SOCS5: variants seen among roughly 807,000 people sequenced by gnomAD.
SOCS5 encodes the protein suppressor of cytokine signaling 5.
A neutral mutation model predicts 42.8 loss-of-function variants in SOCS5; 32 were observed. The observed-to-expected ratio is 0.75, with a 90% CI of 0.56 to 1.01. The LOEUF is 1.01. Ranked by LOEUF, SOCS5 falls within the 50% of genes least tolerant of loss-of-function variation. SOCS5 has a pLI of 0.00. For synonymous variants in SOCS5, 283 were observed against 229.6 expected (o/e 1.23, Z -2.10); for missense variants, 627 against 653.0 (o/e 0.96, Z 0.43).
chr2:46,759,004 A>AAGTTCTGTACACGACATG lies in SOCS5; in HGVS notation c.475_492dup (p.Ser159_Met164dup). ...AAAGGAGAGAGAGGCGCTACGGCGT[A>AAGTTCTGTACACGACATG]AGTTCTGTACACGACATGGACAGTG... On this transcript the variant is annotated inframe_insertion, in exon 2 of 2. Coordinates refer to ENST00000394861, the MANE Select transcript of SOCS5 (RefSeq NM_144949.3). 6.2e-7 allele frequency: 1 copy of AAGTTCTGTACACGACATG among 1,614,000 alleles called. No individual in the cohort carries two copies. Among genetic ancestry groups the AAGTTCTGTACACGACATG allele is most frequent in the Non-Finnish European group, 8.5e-7 (1 of 1,179,860 alleles).
intron 1 of SOCS5, among the ~76,000 whole-genome samples, chr2:46,744,072 C>G (rs913233237): frequency 6.6e-6 from 1 of 152,018 alleles, no homozygotes; most frequent in African/African-American, 2.4e-5. Flanking sequence ...TCACTGCAAC[C>G]TCCCCCTCCT....
rs1488626889 is a variant in SOCS5, at chr2:46,762,386, C to T, written c.*2245C>T. ...GTTTTAGAGAGGAAACTTGAAACTC[C>T]AAGAAAGCACTTGATGTTTTTATAT... On this transcript the variant is annotated 3_prime_UTR_variant, in exon 2 of 2. Transcript: ENST00000394861. The T allele has an allele frequency of 6.0e-6, 1 of 166,650 alleles. No homozygotes were observed. The highest frequency in any genetic ancestry group is 1.5e-5 in the Non-Finnish European group (1 of 68,050). 10.3% of individuals were successfully genotyped at this position (166,650 alleles called of 1,614,324 possible).
rs1270035253 is a variant in SOCS5, at chr2:46,761,907, G to C, written c.*1766G>C. 1.2e-5 allele frequency: 2 copies of C among 166,898 alleles called. No homozygotes were observed. The highest frequency in any genetic ancestry group is 4.8e-5 in the African/African-American group (2 of 41,408). 10.3% of individuals were successfully genotyped at this position (166,898 alleles called of 1,614,324 possible). A position where few individuals can be genotyped will look rare whatever the true frequency, so the allele number is the denominator to read the frequency against. On this transcript the variant is annotated 3_prime_UTR_variant, in exon 2 of 2. Transcript: ENST00000394861. ...CCTATTGATTTCTCTGCTTATAAAT[G>C]AAAGATTGAAACTATCCAATGACAT...
rs1230620568 is a variant in SOCS5 at position 46,699,965 on chromosome 2, G to A, written c.-13+516G>A. On this transcript the variant is annotated intron_variant, in intron 1 of 1. Transcript: ENST00000394861. This position sits in a 1 kb window ranked among gnomAD's most constrained non-coding sequence, Gnocchi z 4.8. The stretch of plus-strand genomic sequence containing the variant: ...TGGGGATGAGGGAGGGAACCAATGA[G>A]TACATATGTGGGAAATGAATTGAGT... Among the ~76,000 whole-genome samples the A allele has an allele frequency of 6.6e-6, 1 of 152,164 alleles. No homozygotes were observed. The highest frequency in any genetic ancestry group is 1.5e-5 in the Non-Finnish European group (1 of 68,020).
chr2:46,740,892 C>G (rs1229424483), intron 1 of SOCS5, among the ~76,000 whole-genome samples: 1 of 152,096 alleles, frequency 6.6e-6, no homozygotes, highest in African/African-American at 2.4e-5. Context: ...AATCAGGATC[C>G]TTCCTCAGCC....
Position 46,759,624 on chromosome 2 carries a change from A to G in SOCS5, c.1094A>G (p.Tyr365Cys). Residue 365 changes from tyrosine to cysteine, a missense_variant, in exon 2 of 2, where the codon TAC (tyrosine) becomes TGC (cysteine). Tyr to Cys is a radical substitution (Grantham distance 194, BLOSUM62 -2). Coordinates refer to ENST00000394861, the MANE Select transcript of SOCS5 (RefSeq NM_144949.3). Reference sequence around the variant, plus strand: ...TGGAAAGTCCACACACAGATTGATTACATACACTGCCTCGTGCCTGATTTG... The same window carrying G: ...TGGAAAGTCCACACACAGATTGATTGCATACACTGCCTCGTGCCTGATTTG... ...GAWKVHTQID[Y>C]IHCLVPDLLQ... 1 of 1,614,014 alleles carries G rather than the reference A, an allele frequency of 6.2e-7. No homozygotes were observed.
At chr2:46,705,521 T>G (rs1447583603) in intron 1 of SOCS5, among the ~76,000 whole-genome samples, 1 of 151,924 alleles carries the variant, frequency 6.6e-6, no homozygotes, top group Non-Finnish European at 1.5e-5. Context: ...GTTTGTTTTT[T>G]CCTAGATTAC....
At position 46,762,875 on chromosome 2, in the gene SOCS5, C is replaced by A. The variant is rs1572851244; in HGVS notation, c.*2734C>A. 1 of 144,232 alleles carries A rather than the reference C, an allele frequency of 6.9e-6. No individual in the cohort carries two copies. The highest frequency in any genetic ancestry group is 2.8e-5 in the African/African-American group (1 of 35,552). The allele number at this position is 144,232 out of a possible 1,614,324, so 8.9% of individuals were successfully genotyped here. On this transcript the variant is annotated 3_prime_UTR_variant, in exon 2 of 2. Transcript: ENST00000394861. The stretch of plus-strand genomic sequence containing the variant: ...CTCATTCATTTTCTTCATTCCCTTA[C>A]ACACACACACACACCTCTCCCTTCC...
rs1228146462 is a variant in SOCS5 at position 46,762,024 on chromosome 2, T to TAA, written c.*1883_*1884insAA. On this transcript the variant is annotated 3_prime_UTR_variant, in exon 2 of 2. Transcript: ENST00000394861. Reference sequence around the variant, plus strand: ...TTTGTAATAGATCAGTACCATTTATTGGTTTGGGGACCATCTTAATTAAAA... The same window carrying TAA: ...TTTGTAATAGATCAGTACCATTTATTAAGGTTTGGGGACCATCTTAATTAAAA... 3.0e-5 allele frequency: 5 copies of TAA among 167,028 alleles called. No homozygotes were observed. Among genetic ancestry groups the TAA allele is most frequent in the African/African-American group, 9.6e-5 (4 of 41,466 alleles). The allele number at this position is 167,028 out of a possible 1,614,324, so 10.3% of individuals were successfully genotyped here.
chr2:46,714,398 C>T (rs1463896039), intron 1 of SOCS5, among the ~76,000 whole-genome samples: 1 of 152,194 alleles, frequency 6.6e-6, no homozygotes, highest in African/African-American at 2.4e-5. Context: ...GAAATGGTCC[C>T]CTTTATCCCA....
At chr2:46,746,767 C>T (rs72802463) in intron 1 of SOCS5, among the ~76,000 whole-genome samples, 8,263 of 151,850 alleles carry the variant, frequency 0.054, 305 homozygotes, top group Non-Finnish European at 0.086. Flanking sequence ...TGTAATTGAT[C>T]TTTGTGTGTT....
At chr2:46,746,609 C>T (rs1054395727) in intron 1 of SOCS5, among the ~76,000 whole-genome samples, 4 of 151,670 alleles carry the variant, frequency 2.6e-5, no homozygotes, top group Admixed American at 6.6e-5. Context: ...CGAGATTGCA[C>T]CACTGCACTC....
At chr2:46,707,227 A>G (rs1672516948) in intron 1 of SOCS5, among the ~76,000 whole-genome samples, 1 of 152,210 alleles carries the variant, frequency 6.6e-6, no homozygotes, top group Non-Finnish European at 1.5e-5. Flanking sequence ...CTATAACGGA[A>G]GAATTTTAAC....
intron 1 of SOCS5, among the ~76,000 whole-genome samples, chr2:46,727,148 T>TA (rs1157953234): frequency 1.4e-5 from 2 of 143,380 alleles, no homozygotes; most frequent in African/African-American, 5.2e-5. Flanking sequence ...AGCCTTCTTT[T>TA]TTTTTTTTTT....
At chr2:46,723,630 C>T (rs6727737) in intron 1 of SOCS5, among the ~76,000 whole-genome samples, 95,859 of 151,914 alleles carry the variant, frequency 0.63, 31,268 homozygotes, top group African/African-American at 0.79. Context: ...TATTCTGTTT[C>T]GTGTATCTGT....
intron 1 of SOCS5, among the ~76,000 whole-genome samples, chr2:46,720,380 A>T (rs934656435): frequency 2.2e-4 from 34 of 152,296 alleles, no homozygotes; most frequent in African/African-American, 7.9e-4. Context: ...TTTGTTCTGA[A>T]TGGTAAAACT....
At chr2:46,748,635 G>A (rs917098387) in intron 1 of SOCS5, among the ~76,000 whole-genome samples, 3 of 152,056 alleles carry the variant, frequency 2.0e-5, no homozygotes, top group Non-Finnish European at 4.4e-5. Context: ...CTAAAATTTG[G>A]CATAGGAGAC....
intron 1 of SOCS5, among the ~76,000 whole-genome samples, chr2:46,716,111 CTTT>C (rs11314433): frequency 8.7e-5 from 12 of 137,398 alleles, no homozygotes; most frequent in Admixed American, 2.2e-4. Context: ...GACACCCCCC[CTTT>C]TTTTTTTTTT....
chr2:46,745,138 T>C (rs2103746983), intron 1 of SOCS5, among the ~76,000 whole-genome samples: 1 of 152,184 alleles, frequency 6.6e-6, no homozygotes, highest in African/African-American at 2.4e-5. Flanking sequence ...GTCTTAAGAA[T>C]TTTGGGGATA....
Sources: gnomAD v4.1 joint callset for allele counts (sites outside exome capture counted in the v4.1 genomes callset) on GRCh38, gnomAD v4.1.1 for gene constraint, Gnocchi (gnomAD v3.1) non-coding constraint, MANE v1.5 for transcripts, NCBI Gene and HGNC (gene_info 2026-07-23, HGNC 2026-07-21) for gene names.